Variants in SCAPER observed in about 807,000 individuals in gnomAD.
SCAPER encodes S phase cyclin A-associated protein in the endoplasmic reticulum.
SCAPER carries 98 observed loss-of-function variants against 182.2 expected under a neutral mutation model. The observed-to-expected ratio is 0.54, with a 90% confidence interval of 0.46 to 0.64. The LOEUF (loss-of-function observed/expected upper bound fraction) is 0.64, where lower values mean the gene tolerates loss of function less well. Ranked by LOEUF, SCAPER falls within the 30% of genes least tolerant of loss-of-function variation. The probability of loss-of-function intolerance (pLI) is 0.00; values close to 1 mark genes in which losing one functional copy is unlikely to be tolerated. For synonymous variants in SCAPER, 605 were observed against 564.6 expected, an observed-to-expected ratio of 1.07 and a Z score of -1.01; for missense variants, 1,432 against 1,690.0, an observed-to-expected ratio of 0.85 and a Z score of 2.68.
chr15:76,822,064 A>T (rs2067611569), intron 5 of SCAPER, among the ~76,000 whole-genome samples: 1 of 152,230 alleles, frequency 6.6e-6, no homozygotes, highest in African/African-American at 2.4e-5. Context: ...ACTACTCTGC[A>T]TATTATTAAA....
chr15:76,592,215 A>G (rs1450185875), intron 22 of SCAPER, among the ~76,000 whole-genome samples: 1 of 151,820 alleles, frequency 6.6e-6, no homozygotes, highest in Non-Finnish European at 1.5e-5. Flanking sequence ...AATGAAATTA[A>G]AATATTTTTA....
At chr15:76,836,352 G>A (rs141209027) in intron 5 of SCAPER, among the ~76,000 whole-genome samples, 1 of 152,112 alleles carries the variant, frequency 6.6e-6, no homozygotes, top group African/African-American at 2.4e-5. Context: ...AAAATAGCAT[G>A]GTACAAAAAT....
At chr15:76,403,444 G>C (rs1425330657) in intron 27 of SCAPER, among the ~76,000 whole-genome samples, 1 of 152,170 alleles carries the variant, frequency 6.6e-6, no homozygotes, top group African/African-American at 2.4e-5. Context: ...CGTGACTGGT[G>C]GTGAGGGACT....
chr15:76,875,129 A>G (rs2073046764), intron 2 of SCAPER, among the ~76,000 whole-genome samples: 1 of 152,214 alleles, frequency 6.6e-6, no homozygotes, highest in Non-Finnish European at 1.5e-5. Context: ...CACAAAAGAA[A>G]ATCTATGACC....
At chr15:76,454,797 T>C (rs1304928542) in intron 25 of SCAPER, among the ~76,000 whole-genome samples, 2 of 152,174 alleles carry the variant, frequency 1.3e-5, no homozygotes, top group Non-Finnish European at 2.9e-5. Flanking sequence ...GAAATGATCT[T>C]GTTCCTGGAA....
rs1477852757 is a variant in SCAPER at position 76,572,919 on chromosome 15, T to TCTCTCACACA, written c.2838+1238_2838+1239insTGTGTGAGAG. On this transcript the variant is annotated intron_variant, in intron 23 of 31. Transcript: ENST00000563290. ...CTCTCTCTCTCTCTCTCTCTCTCTC[T>TCTCTCACACA]CACACACACACACACACACACACAC... 1.7e-3 allele frequency among the ~76,000 whole-genome samples: 227 copies of TCTCTCACACA among 135,250 alleles called. 1 individual carries two copies. Among genetic ancestry groups the TCTCTCACACA allele is most frequent in the African/African-American group, 6.1e-3 (217 of 35,560 alleles). 88.7% of individuals were successfully genotyped at this position (135,250 alleles called of 152,430 possible).
Position 76,354,059 on chromosome 15 carries a change from G to A in SCAPER, c.3937C>T (p.Leu1313=). The change falls in exon 30 of 32, where the codon CTG becomes TTG. Residue 1313 remains leucine, a synonymous_variant. Coordinates refer to ENST00000563290, the MANE Select transcript of SCAPER (RefSeq NM_020843.4). The surrounding 1 kb of genome is among the most constrained non-coding windows in gnomAD (Gnocchi z 4.4). ...AGTGAAGGGAACAGTACTTTGATCA[G>A]CCGTGGGTCACTGAAATACTGGAAG... ...LPFQYFSDPR[L]IKVLFPSLIA... 6.2e-7 allele frequency: 1 copy of A among 1,611,228 alleles called. No homozygotes were observed. Among genetic ancestry groups the A allele is most frequent in the South Asian group, 1.1e-5 (1 of 90,584 alleles).
At chr15:76,886,132 C>G (rs2073825566) in intron 1 of SCAPER, among the ~76,000 whole-genome samples, 1 of 152,070 alleles carries the variant, frequency 6.6e-6, no homozygotes. Context: ...ACATGAACCC[C>G]ATAAATTTAT....
chr15:76,887,593 T>C (rs1183005483), intron 1 of SCAPER, among the ~76,000 whole-genome samples: 1 of 152,120 alleles, frequency 6.6e-6, no homozygotes, highest in Non-Finnish European at 1.5e-5. Context: ...TGCAGCCCAG[T>C]CAGGGAGGAG....
intron 23 of SCAPER, among the ~76,000 whole-genome samples, chr15:76,538,099 C>T (rs1397031705): frequency 6.7e-6 from 1 of 149,178 alleles, no homozygotes; most frequent in Non-Finnish European, 1.5e-5. Context: ...GAAATAGGAA[C>T]ACTTTTACAC....
intron 8 of SCAPER, among the ~76,000 whole-genome samples, chr15:76,790,612 T>C (rs540546289): frequency 6.6e-6 from 1 of 152,326 alleles, no homozygotes; most frequent in East Asian, 1.9e-4. Context: ...TTTTTAATAT[T>C]TGTGGTATCT....
At chr15:76,600,382 T>C (rs2049819706) in intron 22 of SCAPER, among the ~76,000 whole-genome samples, 1 of 40,160 alleles carries the variant, frequency 2.5e-5, no homozygotes, top group African/African-American at 4.9e-5. Context: ...GGAAAGTGTG[T>C]GTATATGTGT....
rs142350814 is a variant in SCAPER, at chr15:76,837,951, G to A, written c.393+3783C>T. ...AAGGGAATGCTTATACACTGCTGGT[G>A]GGAATGTAAATTTGTTCAGCCACCA... On this transcript the variant is annotated intron_variant, in intron 5 of 31. Coordinates refer to ENST00000563290, the MANE Select transcript of SCAPER (RefSeq NM_020843.4). Among the ~76,000 whole-genome samples the A allele has an allele frequency of 5.0e-3, 765 of 152,288 alleles. 4 individuals are homozygous for A. Among genetic ancestry groups the A allele is most frequent in the Non-Finnish European group, 6.4e-3 (437 of 68,030 alleles).
intron 23 of SCAPER, among the ~76,000 whole-genome samples, chr15:76,548,381 G>T (rs1196825991): frequency 6.6e-6 from 1 of 152,152 alleles, no homozygotes; most frequent in Non-Finnish European, 1.5e-5. Context: ...CATTTTCTAG[G>T]ATTTGACATT....
At chr15:76,359,879 CA>C (rs951861503) in intron 29 of SCAPER, among the ~76,000 whole-genome samples, 7 of 152,304 alleles carry the variant, frequency 4.6e-5, no homozygotes, top group African/African-American at 1.7e-4. Context: ...AATAAAGTGA[CA>C]GGGGGCCCCT....
chr15:76,366,669 GGT>G (rs2041837663), intron 29 of SCAPER, among the ~76,000 whole-genome samples: 1 of 152,010 alleles, frequency 6.6e-6, no homozygotes, highest in African/African-American at 2.4e-5. Context: ...TTGTCTCTGT[GGT>G]GTGTTTTGTT....
intron 22 of SCAPER, among the ~76,000 whole-genome samples, chr15:76,581,174 ACAACAAAAAAAAGTC>A (rs1033550615): frequency 3.2e-4 from 48 of 152,164 alleles, no homozygotes; most frequent in Admixed American, 1.5e-3. Flanking sequence ...CCCAACAACA[ACAACAAAAAAAAGTC>A]CAGGACCTGA....
chr15:76,762,729 G>T (rs1337596351), intron 14 of SCAPER, among the ~76,000 whole-genome samples: 1 of 152,116 alleles, frequency 6.6e-6, no homozygotes, highest in Non-Finnish European at 1.5e-5. Context: ...GCTCACTGCA[G>T]CCTCAAACTC....
At chr15:76,672,193 T>A (rs1598067323) in intron 20 of SCAPER, among the ~76,000 whole-genome samples, 1 of 152,152 alleles carries the variant, frequency 6.6e-6, no homozygotes, top group African/African-American at 2.4e-5. Flanking sequence ...ACTTCAGAAC[T>A]CAAGCCACTA....
Sources: allele counts gnomAD v4.1 joint callset (sites outside exome capture counted in the v4.1 genomes callset), GRCh38; gene constraint gnomAD v4.1.1; non-coding constraint Gnocchi (gnomAD v3.1); transcripts MANE v1.5; gene names NCBI Gene and HGNC (gene_info 2026-07-23, HGNC 2026-07-21).